Variants in REPS2 observed in about 807,000 individuals in gnomAD.
The protein encoded by REPS2 is RALBP1 associated Eps domain containing 2, also known as ralBP1-associated Eps domain-containing protein 2.
REPS2 carries 23 observed loss-of-function variants against 53.6 expected under a neutral mutation model. The observed-to-expected ratio is 0.43, with a 90% confidence interval of 0.31 to 0.61. REPS2 has a LOEUF of 0.61. Ranked by LOEUF, REPS2 falls within the 20% of genes least tolerant of loss-of-function variation. The pLI is 0.11. For missense variants in REPS2, 446 were observed against 534.9 expected (o/e 0.83, Z 1.64); for synonymous variants, 238 against 218.6 (o/e 1.09, Z -0.78).
At chrX:16,954,444 A>G (rs1281732573) in intron 1 of REPS2, among the ~76,000 whole-genome samples, 1 of 111,947 alleles carries the variant, frequency 8.9e-6, no homozygotes, top group East Asian at 2.8e-4. Context: ...CAAACATCAT[A>G]TGGTTCATAG....
At chrX:17,021,228 A>G (rs2061573026) in intron 2 of REPS2, among the ~76,000 whole-genome samples, 1 of 112,271 alleles carries the variant, frequency 8.9e-6, no homozygotes, top group Admixed American at 9.4e-5. Context: ...GTTTTGTGCT[A>G]CGTGATTGTG....
At chrX:17,038,695 T>TA (rs1389059195) in intron 5 of REPS2, among the ~76,000 whole-genome samples, 2 of 112,257 alleles carry the variant, frequency 1.8e-5, no homozygotes, top group Non-Finnish European at 3.8e-5. Context: ...TGCTGGGACT[T>TA]ATGCTGACGG....
At chrX:16,978,039 G>GGT (rs1233726775) in intron 1 of REPS2, among the ~76,000 whole-genome samples, 1 of 111,674 alleles carries the variant, frequency 9.0e-6, no homozygotes, top group Non-Finnish European at 1.9e-5. Flanking sequence ...CCCACATCAT[G>GGT]GTGGTTCCTG....
intron 14 of REPS2, among the ~76,000 whole-genome samples, chrX:17,124,859 T>C (rs2063187290): frequency 1.9e-5 from 2 of 104,902 alleles, no homozygotes; most frequent in East Asian, 2.9e-4. Context: ...TGGACTTCTT[T>C]TTTTTTTTTT....
At chrX:17,163,803 A>G in the REPS2 span, among the ~76,000 whole-genome samples, 1 of 112,298 alleles carries the variant, frequency 8.9e-6, no homozygotes. Context: ...GACCTCTTCT[A>G]CAAGACATAT....
intron 1 of REPS2, among the ~76,000 whole-genome samples, chrX:16,951,559 A>ACACACACACACACACACACACACAC (rs879259718): frequency 2.7e-5 from 1 of 37,477 alleles, no homozygotes; most frequent in Non-Finnish European, 5.5e-5. Flanking sequence ...ACACACACAC[A>ACACACACACACACACACACACACAC]CCCCCGCTAC....
intron 1 of REPS2, among the ~76,000 whole-genome samples, chrX:16,959,496 T>A (rs891562197): frequency 1.1e-4 from 12 of 112,010 alleles, no homozygotes; most frequent in Non-Finnish European, 2.1e-4. Context: ...GTGACCCTCT[T>A]GCAGATTCTG....
At chrX:17,185,353 G>A in the REPS2 span, among the ~76,000 whole-genome samples, 1 of 111,583 alleles carries the variant, frequency 9.0e-6, no homozygotes, top group Non-Finnish European at 1.9e-5. Context: ...GGTCAAACAA[G>A]TCACTAGACC....
chrX:16,968,946 G>A (rs1238583748), intron 1 of REPS2, among the ~76,000 whole-genome samples: 8 of 109,145 alleles, frequency 7.3e-5, no homozygotes, highest in South Asian at 4.0e-4. Context: ...GCTGCCGGGC[G>A]GAGGGGCCCC....
At position 17,150,052 on chromosome X, in the gene REPS2, A is replaced by G. The variant is rs2148186513; in HGVS notation, c.*2571A>G. ...TTAGTTGCTTAGAAGTGGATTTTTA[A>G]AAAACAGTTAAATGTGTGTGCATAA... is the stretch of plus-strand genomic sequence containing the variant. On this transcript the variant is annotated 3_prime_UTR_variant, in exon 18 of 18. Transcript: ENST00000357277. 1 of 112,600 alleles carries G rather than the reference A, an allele frequency of 8.9e-6. No homozygotes were observed. Among genetic ancestry groups the G allele is most frequent in the African/African-American group, 3.2e-5 (1 of 30,938 alleles). The allele number at this position is 112,600 out of a possible 1,213,427, so 9.3% of individuals were successfully genotyped here. A position where few individuals can be genotyped will look rare whatever the true frequency, so the allele number is the denominator to read the frequency against.
the REPS2 span, among the ~76,000 whole-genome samples, chrX:17,170,678 A>G: frequency 1.8e-5 from 2 of 112,495 alleles, no homozygotes; most frequent in African/African-American, 6.5e-5. Context: ...GTGAGTGGAC[A>G]CAGGCCCTCT....
chrX:17,035,410 G>T (rs2061753447), intron 5 of REPS2, among the ~76,000 whole-genome samples: 1 of 109,944 alleles, frequency 9.1e-6, no homozygotes, highest in South Asian at 4.0e-4. Flanking sequence ...TTGGTCATCT[G>T]AGTTTGGAAG....
intron 3 of REPS2, 82 bp downstream of exon 3, chrX:17,022,353 TC>T: frequency 1.1e-6 from 1 of 910,431 alleles, no homozygotes. Flanking sequence ...CTGTTCAGCT[TC>T]CAGCAAATCT....
intron 1 of REPS2, among the ~76,000 whole-genome samples, chrX:16,969,587 G>A (rs1038196559): frequency 1.6e-3 from 180 of 110,082 alleles, no homozygotes; most frequent in African/African-American, 4.9e-3. Flanking sequence ...CCAGTCAGGC[G>A]TGGCGGCGCG....
At chrX:17,047,896 C>T (rs750655060) in intron 6 of REPS2, among the ~76,000 whole-genome samples, 11 of 112,731 alleles carry the variant, frequency 9.8e-5, no homozygotes, top group Non-Finnish European at 1.7e-4. Context: ...AACTCAGGCT[C>T]GTTTTCTTTG....
intron 1 of REPS2, among the ~76,000 whole-genome samples, chrX:17,001,869 C>G (rs1234758419): frequency 9.0e-6 from 1 of 111,402 alleles, no homozygotes; most frequent in African/African-American, 3.3e-5. Flanking sequence ...GATAAACCCA[C>G]CAGATCTCAT....
intron 1 of REPS2, among the ~76,000 whole-genome samples, chrX:16,953,522 G>A (rs2060549967): frequency 9.0e-6 from 1 of 111,510 alleles, no homozygotes; most frequent in Admixed American, 9.5e-5. Context: ...TTTATTGTAT[G>A]TATATGTGGA....
rs1402712933 is a variant in REPS2, at chrX:16,946,738, TGGCGGCGGCGGTGGTGGCGGC to T, written c.-112_-92del. The T allele has an allele frequency of 5.7e-5, 39 of 690,087 alleles. No homozygotes were observed. The African/African-American group carries it at 1.1e-3, about 20-fold the overall frequency. 56.9% of individuals were successfully genotyped at this position (690,087 alleles called of 1,213,427 possible). A position where few individuals can be genotyped will look rare whatever the true frequency, so the allele number is the denominator to read the frequency against. On this transcript the variant is annotated 5_prime_UTR_variant, in exon 1 of 18. Transcript: ENST00000357277. ...CAGCTGCGGGGCGTGGGGGTGGTGGTGGCGGCGGCGGTGGTGGCGGCGGCGGCGGCGGCGGCAGCTGAGGCC... is the reference window on the plus strand; with the variant it reads ...CAGCTGCGGGGCGTGGGGGTGGTGGTGGCGGCGGCGGCGGCAGCTGAGGCC...
intron 14 of REPS2, among the ~76,000 whole-genome samples, chrX:17,106,377 A>C (rs1418290495): frequency 1.8e-5 from 2 of 111,469 alleles, no homozygotes; most frequent in African/African-American, 6.5e-5. Flanking sequence ...GGATAGGAAG[A>C]ATCAATATCG....
Sources: allele counts gnomAD v4.1 joint callset (sites outside exome capture counted in the v4.1 genomes callset), GRCh38; gene constraint gnomAD v4.1.1; transcripts MANE v1.5; gene names NCBI Gene and HGNC (gene_info 2026-07-23, HGNC 2026-07-21).